The following PYGO1 variants were observed in gnomAD, a reference collection of about 807,000 sequenced individuals.
PYGO1 encodes the protein pygopus homolog 1.
Under a neutral mutation model 29.5 loss-of-function variants are expected in PYGO1, and 6 were observed. The ratio of observed to expected loss-of-function variants is 0.20; its 90% CI spans 0.11 to 0.40. The LOEUF (loss-of-function observed/expected upper bound fraction) is 0.40. Among genes scored for constraint, PYGO1 ranks in the 10% least tolerant of loss-of-function variants. The probability of loss-of-function intolerance (pLI) is 1.00; values close to 1 mark genes in which losing one functional copy is unlikely to be tolerated. For synonymous variants in PYGO1, 186 were observed against 180.5 expected (o/e 1.03, Z -0.24); for missense variants, 515 against 514.9 (o/e 1.00, Z 0.00).
rs201637255 is a variant in PYGO1 at position 55,546,365 on chromosome 15, C to T, written c.918G>A (p.Lys306=). 454 of 1,614,048 alleles carry T rather than the reference C, an allele frequency of 2.8e-4. No homozygotes were observed. Among genetic ancestry groups the T allele is most frequent in the Non-Finnish European group, 3.6e-4 (426 of 1,180,036 alleles). ...CTGCTGCACCTCTTGGTTGTCGTGG[C>T]TTATTCTGCGTCCCATTTGCAGGGT... ...NNNPANGTQN[K]PRQPRGAADA... is the part of the protein sequence containing the mutation. The change falls in exon 3 of 3, where the codon AAG becomes AAA. Residue 306 remains lysine, a synonymous_variant. Transcript: ENST00000563719.
At chr15:55,574,413 T>C (rs1025735413) in intron 1 of PYGO1, among the ~76,000 whole-genome samples, 1 of 152,246 alleles carries the variant, frequency 6.6e-6, no homozygotes, top group Non-Finnish European at 1.5e-5. Context: ...CAAATGCTTG[T>C]GTAAGTTTTG....
At chr15:55,568,712 T>C (rs1048980675) in intron 1 of PYGO1, among the ~76,000 whole-genome samples, 1 of 152,178 alleles carries the variant, frequency 6.6e-6, no homozygotes, top group South Asian at 2.1e-4. Flanking sequence ...TACAGTATGA[T>C]GCTGGCTCTG....
intron 1 of PYGO1, among the ~76,000 whole-genome samples, chr15:55,580,506 C>T (rs1046539905): frequency 3.9e-5 from 6 of 152,170 alleles, no homozygotes; most frequent in Admixed American, 6.5e-5. Flanking sequence ...AGACAATGTT[C>T]TAAGTGGTTC....
chr15:55,573,770 A>C (rs1221488580), intron 1 of PYGO1, among the ~76,000 whole-genome samples: 1 of 152,232 alleles, frequency 6.6e-6, no homozygotes, highest in Non-Finnish European at 1.5e-5. Context: ...TGGAAGCCTT[A>C]ACAGATAACA....
Position 55,541,987 on chromosome 15 carries a change from C to T in PYGO1, c.*4036G>A, listed in dbSNP as rs1030437414. ...CTATTTACAAATGAACTTAGGGAGC[C>T]TGATGCCTTTAAATTTTTTTTTAAT... is the stretch of plus-strand genomic sequence containing the variant. On this transcript the variant is annotated 3_prime_UTR_variant, in exon 3 of 3. Coordinates refer to ENST00000563719, the MANE Select transcript of PYGO1 (RefSeq NM_001367806.1). 1 of 152,042 alleles carries T rather than the reference C, an allele frequency of 6.6e-6. No individual in the cohort carries two copies. Among genetic ancestry groups the T allele is most frequent in the Non-Finnish European group, 1.5e-5 (1 of 68,002 alleles). The allele number at this position is 152,042 out of a possible 1,614,324, so 9.4% of individuals were successfully genotyped here.
chr15:55,572,573 T>G (rs9972557), intron 1 of PYGO1, among the ~76,000 whole-genome samples: 143,105 of 152,192 alleles, frequency 0.94, 67,447 homozygotes, highest in Non-Finnish European at 0.97. Context: ...AAACTAAAAG[T>G]CTTCTGCACA....
intron 1 of PYGO1, among the ~76,000 whole-genome samples, chr15:55,583,169 C>T (rs2059032216): frequency 6.6e-6 from 1 of 152,132 alleles, no homozygotes; most frequent in South Asian, 2.1e-4. Context: ...GCTGCAAAGA[C>T]CTGATTTATG....
At chr15:55,573,628 T>G (rs1416041227) in intron 1 of PYGO1, among the ~76,000 whole-genome samples, 1 of 152,188 alleles carries the variant, frequency 6.6e-6, no homozygotes, top group Non-Finnish European at 1.5e-5. Context: ...ATCCTTGAAC[T>G]ATATACATTG....
intron 1 of PYGO1, among the ~76,000 whole-genome samples, chr15:55,561,418 A>C (rs899902494): frequency 5.3e-5 from 8 of 152,224 alleles, no homozygotes; most frequent in Non-Finnish European, 1.0e-4. Flanking sequence ...GGGAGGCCTC[A>C]GGAAACTTAC....
intron 1 of PYGO1, among the ~76,000 whole-genome samples, chr15:55,550,702 TTCC>T (rs1305258820): frequency 1.3e-5 from 2 of 152,236 alleles, no homozygotes; most frequent in African/African-American, 4.8e-5. Flanking sequence ...ACCTGTTTAA[TTCC>T]TTACATAAAA....
intron 1 of PYGO1, among the ~76,000 whole-genome samples, chr15:55,567,863 T>G (rs535148221): frequency 1.3e-5 from 2 of 152,310 alleles, no homozygotes; most frequent in South Asian, 4.1e-4. Flanking sequence ...TCACCATTGC[T>G]TGTTTTTCTC....
intron 1 of PYGO1, among the ~76,000 whole-genome samples, chr15:55,566,061 G>A (rs934696399): frequency 1.3e-5 from 2 of 152,134 alleles, no homozygotes; most frequent in Admixed American, 6.5e-5. Flanking sequence ...GATTACAGGC[G>A]TGAGCCACCG....
At chr15:55,583,596 A>G (rs1276677083) in intron 1 of PYGO1, among the ~76,000 whole-genome samples, 1 of 152,106 alleles carries the variant, frequency 6.6e-6, no homozygotes, top group Non-Finnish European at 1.5e-5. Flanking sequence ...GGCCCATTGC[A>G]GCCTCGACCT....
At position 55,545,663 on chromosome 15, in the gene PYGO1, A is replaced by G. The variant is rs137899798; in HGVS notation, c.*360T>C. Reference sequence around the variant, plus strand: ...TTTTGAACTAAATCTTTAATATGGTACAACCAAAGTTCAGCACTGAAATAC... The same window carrying G: ...TTTTGAACTAAATCTTTAATATGGTGCAACCAAAGTTCAGCACTGAAATAC... On this transcript the variant is annotated 3_prime_UTR_variant, in exon 3 of 3. Transcript: ENST00000563719. 16 of 166,886 alleles carry G rather than the reference A, an allele frequency of 9.6e-5. No individual in the cohort carries two copies. The South Asian group carries it at 2.9e-3, about 31-fold the overall frequency. 10.3% of individuals were successfully genotyped at this position (166,886 alleles called of 1,614,324 possible). A position where few individuals can be genotyped will look rare whatever the true frequency, so the allele number is the denominator to read the frequency against.
At chr15:55,557,363 C>T (rs914242820) in intron 1 of PYGO1, among the ~76,000 whole-genome samples, 3 of 152,126 alleles carry the variant, frequency 2.0e-5, no homozygotes, top group African/African-American at 7.2e-5. Flanking sequence ...AGCCTACCAA[C>T]CAAAAAAAGT....
chr15:55,552,438 G>C (rs940409907), intron 1 of PYGO1, among the ~76,000 whole-genome samples: 1 of 150,154 alleles, frequency 6.7e-6, no homozygotes, highest in Non-Finnish European at 1.5e-5. Flanking sequence ...AATGGTGTGT[G>C]AATTAAGCAC....
Position 55,541,435 on chromosome 15 carries a change from C to G in PYGO1, c.*4588G>C, listed in dbSNP as rs2058827653. 6.6e-6 allele frequency: 1 copy of G among 152,220 alleles called. No homozygotes were observed. Among genetic ancestry groups the G allele is most frequent in the African/African-American group, 2.4e-5 (1 of 41,456 alleles). The allele number at this position is 152,220 out of a possible 1,614,324, so 9.4% of individuals were successfully genotyped here. On this transcript the variant is annotated 3_prime_UTR_variant, in exon 3 of 3. Coordinates refer to ENST00000563719, the MANE Select transcript of PYGO1 (RefSeq NM_001367806.1). The stretch of plus-strand genomic sequence containing the variant: ...GCCTAAAGGAAACTGGAAGTACCCT[C>G]AGACAGTACCAGCTAATTCACTAAA...
At chr15:55,583,528 T>C (rs1191304982) in intron 1 of PYGO1, among the ~76,000 whole-genome samples, 1 of 152,182 alleles carries the variant, frequency 6.6e-6, no homozygotes, top group African/African-American at 2.4e-5. Context: ...TTGTTTTCTT[T>C]TGTTTTGAGA....
chr15:55,583,119 A>G (rs2059032016), intron 1 of PYGO1, among the ~76,000 whole-genome samples: 1 of 152,122 alleles, frequency 6.6e-6, no homozygotes, highest in Admixed American at 6.5e-5. Context: ...TCCAAGACTA[A>G]ACTTCCATGT....
Sources: gnomAD v4.1 joint callset for allele counts (sites outside exome capture counted in the v4.1 genomes callset) on GRCh38, gnomAD v4.1.1 for gene constraint, MANE v1.5 for transcripts, NCBI Gene and HGNC (gene_info 2026-07-23, HGNC 2026-07-21) for gene names.